Variants in CASZ1 observed in about 807,000 individuals in gnomAD.
CASZ1 encodes zinc finger protein castor homolog 1.
In CASZ1, 28 loss-of-function variants were observed where a neutral mutation model predicts 135.2. The ratio of observed to expected loss-of-function variants is 0.21; its 90% CI spans 0.15 to 0.28. The LOEUF (loss-of-function observed/expected upper bound fraction) is 0.28, where lower values mean the gene tolerates loss of function less well. Ranked by LOEUF, CASZ1 falls within the 10% of genes least tolerant of loss-of-function variation. The pLI, the probability that CASZ1 is intolerant of heterozygous loss-of-function variation, is 1.00. For missense variants in CASZ1, 2,161 were observed against 2,453.3 expected, an observed-to-expected ratio of 0.88 and a Z score of 2.52; for synonymous variants, 1,068 against 1,073.4, an observed-to-expected ratio of 0.99 and a Z score of 0.10.
intron 1 of CASZ1, among the ~76,000 whole-genome samples, chr1:10,763,392 C>T (rs1200089693): frequency 2.6e-5 from 4 of 152,324 alleles, no homozygotes; most frequent in African/African-American, 9.6e-5. Context: ...TAGGTTCCGT[C>T]CCCTCACCAG....
At position 10,792,795 on chromosome 1, in the gene CASZ1, C is replaced by T. The variant is rs944671354; in HGVS notation, c.-234+3769G>A. On this transcript the variant is annotated intron_variant, in intron 1 of 20. Transcript: ENST00000377022. ...CTCTCACATACCAGACAGAGGTTATCGATATTCTCCCAAAAAGCAGGCAAA... is the reference window on the plus strand; with the variant it reads ...CTCTCACATACCAGACAGAGGTTATTGATATTCTCCCAAAAAGCAGGCAAA... 2.7e-5 allele frequency among the ~76,000 whole-genome samples: 4 copies of T among 147,594 alleles called. No individual in the cohort carries two copies. The East Asian group carries it at 6.2e-4, about 23-fold the overall frequency.
rs1436065877 is a variant in CASZ1, at chr1:10,649,111, G to A, written c.3117C>T (p.Gly1039=). Residue 1039 remains glycine (G), a synonymous_variant, in exon 15 of 21, where the codon GGC becomes GGT. Transcript: ENST00000377022. ...CCCCGTCCAAGGTGCTGAAGAGCGCGCCGCATTCCTCCACCACGCAGTGGA... is the reference window on the plus strand; with the variant it reads ...CCCCGTCCAAGGTGCTGAAGAGCGCACCGCATTCCTCCACCACGCAGTGGA... ...AHFHCVVEEC[G]ALFSTLDGAI... is the part of the protein sequence containing the mutation. The A allele has an allele frequency of 5.0e-6, 8 of 1,613,498 alleles. No individual in the cohort carries two copies. The Admixed American group carries it at 5.0e-5, about 10-fold the overall frequency.
Position 10,796,116 on chromosome 1 carries a change from G to GC in CASZ1, c.-234+447dup, listed in dbSNP as rs1393615467. Among the ~76,000 whole-genome samples the GC allele has an allele frequency of 6.6e-5, 10 of 152,036 alleles. No individual in the cohort carries two copies. The South Asian group carries it at 1.2e-3, about 19-fold the overall frequency. Reference sequence around the variant, plus strand: ...GATTACCCGGTATTGGAGATCACCTGCCCCCCCGGGAGCCCACAGCGCGTG... The same window carrying GC: ...GATTACCCGGTATTGGAGATCACCTGCCCCCCCCGGGAGCCCACAGCGCGTG... On this transcript the variant is annotated intron_variant, in intron 1 of 20. Coordinates refer to ENST00000377022, the MANE Select transcript of CASZ1 (RefSeq NM_001079843.3).
At chr1:10,710,763 A>G (rs1415991765) in intron 2 of CASZ1, among the ~76,000 whole-genome samples, 3 of 152,266 alleles carry the variant, frequency 2.0e-5, no homozygotes, top group African/African-American at 7.2e-5. Context: ...TCCCTGCTCC[A>G]CAGCGAGATC....
In CASZ1 at chr1:10,724,639, C is replaced by G. The variant is rs533879927; in HGVS notation, c.-76-19095G>C. On this transcript the variant is annotated intron_variant, in intron 2 of 20. Coordinates refer to ENST00000377022, the MANE Select transcript of CASZ1 (RefSeq NM_001079843.3). This position sits in a 1 kb window ranked among gnomAD's most constrained non-coding sequence, Gnocchi z 4.1. ...TGTTAGAGGTTAGAGAAGCACTTCT[C>G]CCCCAGCCAAAGCAAGCAGGGCCTA... Among the ~76,000 whole-genome samples, 1 of 152,284 alleles carries G rather than the reference C, an allele frequency of 6.6e-6. No homozygotes were observed. Among genetic ancestry groups the G allele is most frequent in the East Asian group, 1.9e-4 (1 of 5,178 alleles).
At chr1:10,765,849 C>T (rs1300617819) in intron 1 of CASZ1, among the ~76,000 whole-genome samples, 1 of 152,296 alleles carries the variant, frequency 6.6e-6, no homozygotes. Flanking sequence ...GCCCTTCCTC[C>T]GTATCACTCA....
In CASZ1 at chr1:10,639,953, C is replaced by G. The variant is rs1329685383; in HGVS notation, c.4269G>C (p.Lys1423Asn). 6.2e-7 allele frequency: 1 copy of G among 1,612,842 alleles called. No homozygotes were observed. The highest frequency in any genetic ancestry group is 8.5e-7 in the Non-Finnish European group (1 of 1,180,024). Reference sequence around the variant, plus strand: ...CCAGCATCATGCCCTCGTCCAGCATCTTCCGGGAGGACGCCGTCTTCCGCC... The same window carrying G: ...CCAGCATCATGCCCTCGTCCAGCATGTTCCGGGAGGACGCCGTCTTCCGCC... ...GKRRKTASSR[K>N]MLDEGMMLEG... Residue 1423 changes from lysine to asparagine, a missense_variant, in exon 21 of 21, where the codon AAG (lysine) becomes AAC (asparagine). Lys to Asn is a moderately conservative substitution (Grantham distance 94). Coordinates refer to ENST00000377022, the MANE Select transcript of CASZ1 (RefSeq NM_001079843.3). The surrounding 1 kb of genome is among the most constrained non-coding windows in gnomAD (Gnocchi z 4.0).
intron 1 of CASZ1, among the ~76,000 whole-genome samples, chr1:10,772,681 G>A (rs1557563276): frequency 6.6e-6 from 1 of 152,160 alleles, no homozygotes; most frequent in Admixed American, 6.5e-5. Flanking sequence ...CTGAGTGCCA[G>A]ACAGGTGCAT....
chr1:10,694,410 G>T lies in CASZ1; in HGVS notation c.-23-498C>A. 1.4e-6 allele frequency: 1 copy of T among 735,138 alleles called. No homozygotes were observed. The highest frequency in any genetic ancestry group is 1.8e-6 in the Non-Finnish European group (1 of 555,734). The allele number at this position is 735,138 out of a possible 1,614,324, so 45.5% of individuals were successfully genotyped here. ...GAATAACAAGTTGTTTTAAAGCCCT[G>T]ATGTCATTGCTCCTGCCGGTAACAC... On this transcript the variant is annotated intron_variant, in intron 3 of 20. Transcript: ENST00000377022. The surrounding 1 kb of genome is among the most constrained non-coding windows in gnomAD (Gnocchi z 6.6).
chr1:10,776,148 T>G lies in CASZ1; in HGVS notation c.-233-15291A>C, dbSNP rs949961824. Among the ~76,000 whole-genome samples, 1 of 152,272 alleles carries G rather than the reference T, an allele frequency of 6.6e-6. No homozygotes were observed. The highest frequency in any genetic ancestry group is 1.5e-5 in the Non-Finnish European group (1 of 68,048). ...CCTTCAACTTCCTTGAAATAAATTTTACTATTTTATTAGTGCAAACAAAAT... is the reference window on the plus strand; with the variant it reads ...CCTTCAACTTCCTTGAAATAAATTTGACTATTTTATTAGTGCAAACAAAAT... On this transcript the variant is annotated intron_variant, in intron 1 of 20. Coordinates refer to ENST00000377022, the MANE Select transcript of CASZ1 (RefSeq NM_001079843.3). This position sits in a 1 kb window ranked among gnomAD's most constrained non-coding sequence, Gnocchi z 4.1.
Position 10,638,608 on chromosome 1 carries a change from C to T in CASZ1, c.*334G>A. 6.6e-6 allele frequency: 1 copy of T among 152,542 alleles called. No homozygotes were observed. Among genetic ancestry groups the T allele is most frequent in the South Asian group, 2.1e-4 (1 of 4,822 alleles). 9.4% of individuals were successfully genotyped at this position (152,542 alleles called of 1,614,324 possible). On this transcript the variant is annotated 3_prime_UTR_variant, in exon 21 of 21. Transcript: ENST00000377022. This position sits in a 1 kb window ranked among gnomAD's most constrained non-coding sequence, Gnocchi z 5.9. ...CCGTCCCAGTCCTGAGCAATGGTCG[C>T]GGGGCCGAATCGGCCGCGGGGAGGG...
intron 11 of CASZ1, 35 bp downstream of exon 11, chr1:10,653,342 G>A: frequency 1.2e-6 from 2 of 1,610,876 alleles, no homozygotes; most frequent in Non-Finnish European, 1.7e-6. Flanking sequence ...AGTCCAGAAG[G>A]TGCCTGCTTT....
Position 10,639,403 on chromosome 1 carries a change from C to T in CASZ1, c.4819G>A (p.Gly1607Ser). ...CTGATGGGAGGCCCGGGCGCGGGGC[C>T]CTCTGCCGCGGGCTCGCCGCGCTCC... ...KQERGEPAAEGPAPGPPISLD... is the reference protein window; with the variant it reads ...KQERGEPAAESPAPGPPISLD... The change falls in exon 21 of 21, where the codon GGC (glycine) becomes AGC (serine). Residue 1607 changes from glycine to serine, a missense_variant. Coordinates refer to ENST00000377022, the MANE Select transcript of CASZ1 (RefSeq NM_001079843.3). The surrounding 1 kb of genome is among the most constrained non-coding windows in gnomAD (Gnocchi z 4.0). The T allele has an allele frequency of 6.5e-7, 1 of 1,549,672 alleles. No homozygotes were observed. Among genetic ancestry groups the T allele is most frequent in the Non-Finnish European group, 8.7e-7 (1 of 1,147,358 alleles).
intron 4 of CASZ1, among the ~76,000 whole-genome samples, chr1:10,672,308 C>A (rs1176337639): frequency 6.6e-6 from 1 of 151,472 alleles, no homozygotes; most frequent in East Asian, 1.9e-4. Flanking sequence ...GCGCCCGGGC[C>A]TCTCAGGAAG....
At chr1:10,650,469 G>C (rs1213867166) in intron 13 of CASZ1, 3 of 459,852 alleles carry the variant, frequency 6.5e-6, no homozygotes, top group Non-Finnish European at 1.1e-5. Context: ...GGAAAAAAAG[G>C]TGTCAGAGGC....
At chr1:10,659,587 T>G in intron 6 of CASZ1, 115 bp downstream of exon 6, 1 of 777,046 alleles carries the variant, frequency 1.3e-6, no homozygotes, top group Non-Finnish European at 2.2e-6. Context: ...AGTGGATGTG[T>G]ATAAGGTGTG....
chr1:10,663,706 C>G (rs754172753), intron 5 of CASZ1, among the ~76,000 whole-genome samples: 5 of 152,234 alleles, frequency 3.3e-5, no homozygotes, highest in African/African-American at 4.8e-5. Flanking sequence ...GCTTGGGGGC[C>G]GAGCCCACAG....
intron 4 of CASZ1, among the ~76,000 whole-genome samples, chr1:10,667,722 T>A (rs764749279): frequency 6.6e-6 from 1 of 151,966 alleles, no homozygotes; most frequent in Non-Finnish European, 1.5e-5. Context: ...AGACAGCAAA[T>A]GAATCTGTAA....
In CASZ1 at chr1:10,724,577, C is replaced by T. The variant is rs1251702366; in HGVS notation, c.-76-19033G>A. Among the ~76,000 whole-genome samples the T allele has an allele frequency of 6.6e-6, 1 of 152,168 alleles. No individual in the cohort carries two copies. The highest frequency in any genetic ancestry group is 6.5e-5 in the Admixed American group (1 of 15,282). On this transcript the variant is annotated intron_variant, in intron 2 of 20. Coordinates refer to ENST00000377022, the MANE Select transcript of CASZ1 (RefSeq NM_001079843.3). This position sits in a 1 kb window ranked among gnomAD's most constrained non-coding sequence, Gnocchi z 4.1. ...CTTTGGAGCCCAGGAATCACCTAGCCCTCAGGGGTAGGGGCTCAGGGAGTG... is the reference window on the plus strand; with the variant it reads ...CTTTGGAGCCCAGGAATCACCTAGCTCTCAGGGGTAGGGGCTCAGGGAGTG...
Sources: gnomAD v4.1 joint callset for allele counts (sites outside exome capture counted in the v4.1 genomes callset) on GRCh38, gnomAD v4.1.1 for gene constraint, Gnocchi (gnomAD v3.1) non-coding constraint, MANE v1.5 for transcripts, NCBI Gene and HGNC (gene_info 2026-07-23, HGNC 2026-07-21) for gene names.